COL5A1: variants seen among roughly 807,000 people sequenced by gnomAD.
COL5A1 encodes the protein collagen alpha-1(V) chain.
COL5A1 carries 16 observed loss-of-function variants against 263.7 expected under a neutral mutation model. That is an observed-to-expected ratio of 0.06 (90% CI 0.04 to 0.09). The LOEUF (loss-of-function observed/expected upper bound fraction) is 0.09, where lower values mean the gene tolerates loss of function less well. Among genes scored for constraint, COL5A1 ranks in the 10% least tolerant of loss-of-function variants. The pLI is 1.00. For synonymous variants in COL5A1, 1,012 were observed against 1,004.5 expected (o/e 1.01, Z -0.14); for missense variants, 2,036 against 2,540.5 (o/e 0.80, Z 4.27).
intron 52 of COL5A1, among the ~76,000 whole-genome samples, chr9:134,816,647 A>T (rs368857669): frequency 5.3e-5 from 8 of 152,114 alleles, no homozygotes; most frequent in African/African-American, 1.7e-4. Context: ...CCTGACAGAC[A>T]CCCCCAGTCC....
At chr9:134,735,980 C>G (rs1835083014) in intron 9 of COL5A1, among the ~76,000 whole-genome samples, 1 of 152,228 alleles carries the variant, frequency 6.6e-6, no homozygotes, top group Admixed American at 6.5e-5. Flanking sequence ...GGCCTGTGGC[C>G]TGGCTGGACA....
At chr9:134,823,911 C>T (rs1048783766) in intron 61 of COL5A1, among the ~76,000 whole-genome samples, 1 of 151,776 alleles carries the variant, frequency 6.6e-6, no homozygotes, top group Admixed American at 6.6e-5. Context: ...ATGTGGGGCA[C>T]ATATGTGTGT....
rs545315260 is a variant in COL5A1, at chr9:134,793,788, A to G, written c.2701-1294A>G. Among the ~76,000 whole-genome samples, 484 of 152,356 alleles carry G rather than the reference A, an allele frequency of 3.2e-3. 1 individual carries two copies. The highest frequency in any genetic ancestry group is 0.011 in the African/African-American group (454 of 41,584). On this transcript the variant is annotated intron_variant, in intron 32 of 65. Transcript: ENST00000371817. ...GAAAGCAGATGTTTCGTTAATTTTC[A>G]TATGCAAATATTTATTTGAAGCCAG...
intron 33 of COL5A1, 22 bp from the exon 34 acceptor site, chr9:134,795,240 T>A: frequency 6.2e-7 from 1 of 1,613,838 alleles, no homozygotes; most frequent in Non-Finnish European, 8.5e-7. Flanking sequence ...GAGCTGACCT[T>A]CCTTCTCTCC....
chr9:134,796,477 CT>C, intron 35 of COL5A1, 59 bp downstream of exon 35: 1 of 1,558,284 alleles, frequency 6.4e-7, no homozygotes, highest in South Asian at 1.1e-5. Flanking sequence ...CGAATGCCCC[CT>C]GCACTTTGTC....
intron 4 of COL5A1, among the ~76,000 whole-genome samples, chr9:134,710,452 GGTGCAGTGGTGGGGGAGGGGCCCCGTTTA>G (rs1248852958): frequency 8.6e-4 from 131 of 152,156 alleles, no homozygotes; most frequent in Admixed American, 2.7e-3. Context: ...CCGTCTGTTG[GGTGCAGTGGTGGGGGAGGGGCCCCGTTTA>G]GTGCAGTGGT....
intron 2 of COL5A1, among the ~76,000 whole-genome samples, chr9:134,695,504 G>A (rs963056455): frequency 1.3e-5 from 2 of 152,240 alleles, no homozygotes; most frequent in Admixed American, 6.5e-5. Flanking sequence ...GCAGGCTGAC[G>A]TGAGGGGAAG....
intron 2 of COL5A1, among the ~76,000 whole-genome samples, chr9:134,699,206 G>A (rs886966695): frequency 6.6e-6 from 1 of 152,222 alleles, no homozygotes; most frequent in Non-Finnish European, 1.5e-5. Flanking sequence ...AGGTGCTTGT[G>A]GCCGGGCCAG....
At chr9:134,823,358 G>A (rs1839103539) in intron 60 of COL5A1, 58 bp from the exon 61 acceptor site, 2 of 1,582,784 alleles carry the variant, frequency 1.3e-6, no homozygotes, top group Non-Finnish European at 1.7e-6. Flanking sequence ...GCTGAAGGTG[G>A]ATTCAAAGTC....
chr9:134,714,776 AGGTGGTGGTGGAGGTGATTGT>A, intron 4 of COL5A1, among the ~76,000 whole-genome samples: 1 of 74,870 alleles, frequency 1.3e-5, no homozygotes, highest in Non-Finnish European at 2.8e-5. Context: ...ATGCTGGTGA[AGGTGGTGGTGGAGGTGATTGT>A]GGTGGTGGTG....
Position 134,754,828 on chromosome 9 carries a change from G to A in COL5A1, c.1827+502G>A, listed in dbSNP as rs1251006462. On this transcript the variant is annotated intron_variant, in intron 16 of 65. Coordinates refer to ENST00000371817, the MANE Select transcript of COL5A1 (RefSeq NM_000093.5). The surrounding 1 kb of genome is among the most constrained non-coding windows in gnomAD (Gnocchi z 4.3). ...TTCTAAAAGAGGACACACGTTTCCC[G>A]AGTGCTGACCACCACCCAGACAGGC... Among the ~76,000 whole-genome samples, 2 of 152,138 alleles carry A rather than the reference G, an allele frequency of 1.3e-5. No individual in the cohort carries two copies. Among genetic ancestry groups the A allele is most frequent in the African/African-American group, 2.4e-5 (1 of 41,428 alleles).
At chr9:134,766,585 C>T in intron 22 of COL5A1, 87 bp downstream of exon 22, 1 of 1,378,412 alleles carries the variant, frequency 7.3e-7, no homozygotes, top group Non-Finnish European at 1.0e-6. Flanking sequence ...CATCGCTGTC[C>T]ACATCAGCTG....
rs1838299639 is a variant in COL5A1 at position 134,806,433 on chromosome 9, T to C, written c.3366+137T>C. The C allele has an allele frequency of 2.5e-5, 16 of 652,350 alleles. No homozygotes were observed. In the South Asian group the frequency reaches 2.9e-4, roughly 12 times the overall value. The allele number at this position is 652,350 out of a possible 1,614,324, so 40.4% of individuals were successfully genotyped here. A position where few individuals can be genotyped will look rare whatever the true frequency, so the allele number is the denominator to read the frequency against. On this transcript the variant is annotated intron_variant, in intron 42 of 65. Transcript: ENST00000371817. ...GGGGATGGGGTGGGGTCTGCGGCCC[T>C]CTAGGACAGAGCGTGTGTCCCATGG...
chr9:134,806,338 T>C, intron 42 of COL5A1, 42 bp downstream of exon 42: 2 of 1,412,974 alleles, frequency 1.4e-6, no homozygotes, highest in Non-Finnish European at 1.9e-6. Context: ...CCCTCAGAGA[T>C]GCTGGGGTCG....
At position 134,755,268 on chromosome 9, in the gene COL5A1, A is replaced by G. The variant is rs576787214; in HGVS notation, c.1827+942A>G. 6.6e-6 allele frequency among the ~76,000 whole-genome samples: 1 copy of G among 152,144 alleles called. No individual in the cohort carries two copies. Among genetic ancestry groups the G allele is most frequent in the African/African-American group, 2.4e-5 (1 of 41,520 alleles). ...TGGATCTGATTCTGAAAAATGTTTTATTTCCTTAAGGTGTTTTTGTGTGTC... is the reference window on the plus strand; with the variant it reads ...TGGATCTGATTCTGAAAAATGTTTTGTTTCCTTAAGGTGTTTTTGTGTGTC... On this transcript the variant is annotated intron_variant, in intron 16 of 65. Transcript: ENST00000371817. This position sits in a 1 kb window ranked among gnomAD's most constrained non-coding sequence, Gnocchi z 4.1.
chr9:134,824,983 A>C, intron 62 of COL5A1, 128 bp downstream of exon 62: 3 of 1,311,350 alleles, frequency 2.3e-6, no homozygotes, highest in African/African-American at 1.5e-5. Flanking sequence ...CAGCCTCCCC[A>C]TCTGTGGGGC....
At position 134,642,230 on chromosome 9, in the gene COL5A1, C is replaced by A; in HGVS notation, c.43C>A (p.Pro15Thr). ...TRWKARSALR[P>T]GAPLLPPLLL... is the part of the protein sequence containing the mutation. ...CTGGAAAGCGCGCAGCGCGCTCCGC[C>A]CGGGCGCCCCGCTGCTGCCCCCGCT... The change falls in exon 1 of 66, where the codon CCG becomes ACG. Residue 15 changes from proline (P) to threonine (T), a missense_variant. By Grantham distance (38) the Pro-to-Thr change is conservative. Transcript: ENST00000371817. This position sits in a 1 kb window ranked among gnomAD's most constrained non-coding sequence, Gnocchi z 4.5. The A allele has an allele frequency of 7.7e-7, 1 of 1,296,392 alleles. No individual in the cohort carries two copies. Among genetic ancestry groups the A allele is most frequent in the South Asian group, 2.3e-5 (1 of 43,354 alleles). The allele number at this position is 1,296,392 out of a possible 1,614,324, so 80.3% of individuals were successfully genotyped here. A position where few individuals can be genotyped will look rare whatever the true frequency, so the allele number is the denominator to read the frequency against.
chr9:134,703,627 G>GTTTTT (rs55882557), intron 4 of COL5A1, among the ~76,000 whole-genome samples: 38 of 73,302 alleles, frequency 5.2e-4, no homozygotes, highest in African/African-American at 2.2e-3. Context: ...GTGGCCTCGG[G>GTTTTT]TTTTTTTTTT....
At chr9:134,679,749 G>T (rs1388770295) in intron 1 of COL5A1, among the ~76,000 whole-genome samples, 1 of 149,010 alleles carries the variant, frequency 6.7e-6, no homozygotes, top group Non-Finnish European at 1.5e-5. Flanking sequence ...TTCTTAAGGG[G>T]CACTGTGGGG....
Sources: allele counts gnomAD v4.1 joint callset (sites outside exome capture counted in the v4.1 genomes callset), GRCh38; gene constraint gnomAD v4.1.1; non-coding constraint Gnocchi (gnomAD v3.1); transcripts MANE v1.5; gene names NCBI Gene and HGNC (gene_info 2026-07-23, HGNC 2026-07-21).